Variants in SORCS3 observed in about 807,000 individuals in gnomAD.
SORCS3 encodes VPS10 domain-containing receptor SorCS3.
A neutral mutation model predicts 146.3 loss-of-function variants in SORCS3; 57 were observed. That is an observed-to-expected ratio of 0.39 (90% CI 0.31 to 0.49). SORCS3 has a LOEUF of 0.49. Ranked by LOEUF, SORCS3 falls within the 20% of genes least tolerant of loss-of-function variation. The pLI, the probability that SORCS3 is intolerant of heterozygous loss-of-function variation, is 0.92. For missense variants in SORCS3, 1,341 were observed against 1,575.5 expected, an observed-to-expected ratio of 0.85 and a Z score of 2.52; for synonymous variants, 653 against 618.5, an observed-to-expected ratio of 1.06 and a Z score of -0.83.
In SORCS3 at chr10:105,107,585, C is replaced by T. The variant is rs185692013; in HGVS notation, c.1212+2070C>T. Among the ~76,000 whole-genome samples, 242 of 152,180 alleles carry T rather than the reference C, an allele frequency of 1.6e-3. 2 individuals carry two copies. The highest frequency in any genetic ancestry group is 5.4e-3 in the African/African-American group (226 of 41,544). ...CGGAAGTTTTGTCTTTAATTAGCAT[C>T]AATTTTTATTTTCCTTGAAAAGATA... is the stretch of plus-strand genomic sequence containing the variant. On this transcript the variant is annotated intron_variant, in intron 7 of 26. Transcript: ENST00000369701.
At chr10:104,656,236 G>A (rs2015628056) in intron 1 of SORCS3, among the ~76,000 whole-genome samples, 1 of 152,120 alleles carries the variant, frequency 6.6e-6, no homozygotes, top group South Asian at 2.1e-4. Flanking sequence ...GGAGGAGCAA[G>A]GTATTTGAAG....
At chr10:105,104,954 C>G (rs2055810832) in intron 6 of SORCS3, among the ~76,000 whole-genome samples, 1 of 152,138 alleles carries the variant, frequency 6.6e-6, no homozygotes. Flanking sequence ...TAATTTTTTA[C>G]TACTATGAAC....
intron 3 of SORCS3, among the ~76,000 whole-genome samples, chr10:104,961,494 T>G (rs576487810): frequency 6.6e-6 from 1 of 152,326 alleles, no homozygotes; most frequent in African/African-American, 2.4e-5. Context: ...TTTTTTGAAT[T>G]ATGAAACTTC....
At chr10:104,973,107 T>G (rs1242676748) in intron 3 of SORCS3, among the ~76,000 whole-genome samples, 1 of 152,134 alleles carries the variant, frequency 6.6e-6, no homozygotes, top group African/African-American at 2.4e-5. Context: ...CAGTATTTTA[T>G]TGAGGATTTT....
intron 13 of SORCS3, 123 bp downstream of exon 13, chr10:105,167,472 C>A: frequency 1.5e-6 from 1 of 678,862 alleles, no homozygotes; most frequent in East Asian, 2.7e-5. Flanking sequence ...TTTATTTATC[C>A]ATCCATCCAT....
intron 3 of SORCS3, among the ~76,000 whole-genome samples, chr10:104,921,344 A>T (rs557134876): frequency 6.6e-6 from 1 of 152,294 alleles, no homozygotes; most frequent in African/African-American, 2.4e-5. Context: ...AGAGAAATGC[A>T]GGCATGTTAT....
intron 1 of SORCS3, among the ~76,000 whole-genome samples, chr10:104,814,881 A>G (rs2017779673): frequency 6.6e-6 from 1 of 152,184 alleles, no homozygotes; most frequent in Admixed American, 6.5e-5. Context: ...ACATTATTAT[A>G]TATTACAAAT....
chr10:105,085,716 G>T (rs2133737381), intron 5 of SORCS3, among the ~76,000 whole-genome samples: 1 of 152,236 alleles, frequency 6.6e-6, no homozygotes, highest in Non-Finnish European at 1.5e-5. Context: ...ACTAAGAAAT[G>T]GATTCAGATT....
At chr10:105,027,655 A>C (rs1564737714) in intron 4 of SORCS3, among the ~76,000 whole-genome samples, 1 of 152,216 alleles carries the variant, frequency 6.6e-6, no homozygotes, top group Non-Finnish European at 1.5e-5. Flanking sequence ...GCTGAGGTTC[A>C]ACAAGCAACA....
chr10:104,887,960 G>GC (rs2018706593), intron 2 of SORCS3, among the ~76,000 whole-genome samples: 1 of 122,602 alleles, frequency 8.2e-6, no homozygotes, highest in South Asian at 2.9e-4. Context: ...TGGTGGGGGC[G>GC]GGGGGGCGGG....
chr10:104,896,123 G>A (rs370572625), intron 2 of SORCS3, among the ~76,000 whole-genome samples: 50 of 152,256 alleles, frequency 3.3e-4, no homozygotes, highest in African/African-American at 1.2e-3. Context: ...TTTCCAACCT[G>A]GAGGTAAATT....
At chr10:105,084,732 T>G (rs541301435) in intron 5 of SORCS3, among the ~76,000 whole-genome samples, 10 of 138,358 alleles carry the variant, frequency 7.2e-5, no homozygotes, top group African/African-American at 1.3e-4. Context: ...TGCTGCTTCT[T>G]CTTTTTTTTT....
intron 4 of SORCS3, among the ~76,000 whole-genome samples, chr10:104,980,231 T>C (rs1362669573): frequency 6.6e-6 from 1 of 152,238 alleles, no homozygotes; most frequent in Non-Finnish European, 1.5e-5. Flanking sequence ...TAGGTACTCT[T>C]TCTTGTTGAC....
intron 1 of SORCS3, among the ~76,000 whole-genome samples, chr10:104,767,732 T>C (rs1589491719): frequency 1.1e-5 from 1 of 90,760 alleles, no homozygotes; most frequent in Non-Finnish European, 2.1e-5. Context: ...TCCCCTCCCC[T>C]TTCCTCTCCT....
At chr10:104,775,653 C>T (rs996359705) in intron 1 of SORCS3, among the ~76,000 whole-genome samples, 2 of 152,114 alleles carry the variant, frequency 1.3e-5, no homozygotes, top group Non-Finnish European at 2.9e-5. Flanking sequence ...GACTCCAGCA[C>T]GGATTTGAGT....
chr10:104,667,562 A>G (rs1263106878), intron 1 of SORCS3, among the ~76,000 whole-genome samples: 2 of 152,096 alleles, frequency 1.3e-5, no homozygotes, highest in Non-Finnish European at 2.9e-5. Flanking sequence ...CTTTTTAAAG[A>G]AAAAAAATGA....
intron 13 of SORCS3, among the ~76,000 whole-genome samples, chr10:105,169,038 T>C (rs1448463092): frequency 1.3e-5 from 2 of 152,168 alleles, no homozygotes; most frequent in Non-Finnish European, 2.9e-5. Context: ...TAAGGGACTT[T>C]CCAGGCACTG....
At chr10:104,886,555 C>CATCTATCTATCT (rs55977539) in intron 2 of SORCS3, among the ~76,000 whole-genome samples, 3 of 126,988 alleles carry the variant, frequency 2.4e-5, no homozygotes, top group Admixed American at 7.4e-5. Context: ...ATAACTCTAT[C>CATCTATCTATCT]ATCTATCTAT....
intron 1 of SORCS3, among the ~76,000 whole-genome samples, chr10:104,718,379 C>A (rs1302506920): frequency 6.6e-6 from 1 of 152,078 alleles, no homozygotes; most frequent in Non-Finnish European, 1.5e-5. Context: ...CCCGTTCCCT[C>A]CATAATGACA....
Sources: gnomAD v4.1 joint callset for allele counts (sites outside exome capture counted in the v4.1 genomes callset) on GRCh38, gnomAD v4.1.1 for gene constraint, MANE v1.5 for transcripts, NCBI Gene and HGNC (gene_info 2026-07-23, HGNC 2026-07-21) for gene names.